The following AIM2 variants were observed in gnomAD, a reference collection of about 807,000 sequenced individuals.
AIM2 encodes interferon-inducible protein AIM2.
AIM2 carries 30 observed loss-of-function variants against 27.7 expected under a neutral mutation model. That is an observed-to-expected ratio of 1.08 (90% CI 0.81 to 1.47). The LOEUF is 1.47. Ranked by LOEUF, AIM2 falls within the 40% of genes most tolerant of loss-of-function variation. The pLI, the probability that AIM2 is intolerant of heterozygous loss-of-function variation, is 0.00. For missense variants in AIM2, 358 were observed against 411.3 expected (o/e 0.87, Z 1.12); for synonymous variants, 141 against 145.3 (o/e 0.97, Z 0.21).
At chr1:159,074,363 A>G (rs1484170264) in intron 1 of AIM2, among the ~76,000 whole-genome samples, 2 of 152,200 alleles carry the variant, frequency 1.3e-5, no homozygotes, top group African/African-American at 4.8e-5. Flanking sequence ...TGTATATGAT[A>G]TAAGTGATGA....
downstream of AIM2, among the ~76,000 whole-genome samples, chr1:159,057,773 G>GA (rs1227412983): frequency 6.6e-6 from 1 of 152,048 alleles, no homozygotes; most frequent in Admixed American, 6.5e-5. Context: ...CTCATTTTTG[G>GA]AAAAAACAAA....
upstream of AIM2, among the ~76,000 whole-genome samples, chr1:159,141,659 G>A (rs1375495693): frequency 6.6e-6 from 1 of 151,976 alleles, no homozygotes; most frequent in African/African-American, 2.4e-5. Context: ...GAAGTCCAGC[G>A]CGCTCGTCCA....
At chr1:159,095,374 T>A (rs1657152609) in intron 1 of AIM2, among the ~76,000 whole-genome samples, 1 of 152,156 alleles carries the variant, frequency 6.6e-6, no homozygotes, top group Middle Eastern at 3.2e-3. Context: ...TCAACTCGAA[T>A]CAATTTGGTA....
At chr1:159,133,866 T>C (rs1647957972) in intron 1 of AIM2, among the ~76,000 whole-genome samples, 1 of 152,202 alleles carries the variant, frequency 6.6e-6, no homozygotes, top group Non-Finnish European at 1.5e-5. Context: ...ATCTTATTCA[T>C]ACTCTTGGCA....
upstream of AIM2, among the ~76,000 whole-genome samples, chr1:159,143,818 A>C (rs1440603459): frequency 6.6e-6 from 1 of 152,176 alleles, no homozygotes; most frequent in African/African-American, 2.4e-5. Context: ...CTGGGAATAC[A>C]ATGATGGAGA....
At chr1:159,143,621 CACACACA>C (rs1648153309), upstream of AIM2, among the ~76,000 whole-genome samples, 1 of 142,442 alleles carries the variant, frequency 7.0e-6, no homozygotes, top group South Asian at 2.6e-4. Flanking sequence ...CACACACACA[CACACACA>C]CACTGCTCTT....
At chr1:159,125,419 T>C (rs1647659071) in intron 1 of AIM2, among the ~76,000 whole-genome samples, 1 of 152,240 alleles carries the variant, frequency 6.6e-6, no homozygotes. Flanking sequence ...TGATTTTCAT[T>C]TTTAAATAAA....
At chr1:159,110,937 A>G (rs941209865) in intron 1 of AIM2, among the ~76,000 whole-genome samples, 6 of 152,126 alleles carry the variant, frequency 3.9e-5, no homozygotes, top group Non-Finnish European at 7.3e-5. Context: ...GCAACATCAC[A>G]TTCCATTTAC....
intron 4 of AIM2, among the ~76,000 whole-genome samples, chr1:159,064,929 A>C (rs1467257540): frequency 6.6e-6 from 1 of 152,240 alleles, no homozygotes; most frequent in Non-Finnish European, 1.5e-5. Context: ...ATCGTATTTT[A>C]GGTTTAATTT....
At chr1:159,105,783 AAGAG>A in intron 1 of AIM2, among the ~76,000 whole-genome samples, 1 of 152,070 alleles carries the variant, frequency 6.6e-6, no homozygotes, top group East Asian at 1.9e-4. Context: ...ATGGGCTCAG[AAGAG>A]AGAAAGTGTG....
rs1655873158 is a variant in AIM2 at position 159,062,552 on chromosome 1, C to G, written c.*140G>C. The G allele has an allele frequency of 1.4e-6, 1 of 708,306 alleles. No individual in the cohort carries two copies. Among genetic ancestry groups the G allele is most frequent in the South Asian group, 1.8e-5 (1 of 56,146 alleles). 43.9% of individuals were successfully genotyped at this position (708,306 alleles called of 1,614,324 possible). The stretch of plus-strand genomic sequence containing the variant: ...TGAATTTGTTTATCCAGCAATTATT[C>G]TATCCTAATTTGGTGGAGAGAGGAG... On this transcript the variant is annotated 3_prime_UTR_variant, in exon 6 of 6. Transcript: ENST00000368130.
chr1:159,097,520 T>C (rs1570962393), intron 1 of AIM2, among the ~76,000 whole-genome samples: 3 of 152,250 alleles, frequency 2.0e-5, no homozygotes, highest in Admixed American at 2.0e-4. Flanking sequence ...AACAGAGAGA[T>C]AGTACAAGAT....
At chr1:159,140,568 C>T (rs1266214521), upstream of AIM2, 6 of 152,210 alleles carry the variant, frequency 3.9e-5, no homozygotes, top group African/African-American at 1.2e-4. Context: ...TGAGTCTCCC[C>T]AGCAGTCCTG....
At chr1:159,065,283 C>T (rs747653998) in intron 4 of AIM2, among the ~76,000 whole-genome samples, 27 of 152,048 alleles carry the variant, frequency 1.8e-4, no homozygotes, top group Non-Finnish European at 3.1e-4. Context: ...GCCTCTGCCC[C>T]GCGGCCCTGT....
intron 1 of AIM2, among the ~76,000 whole-genome samples, chr1:159,104,867 G>A (rs542882168): frequency 2.4e-4 from 37 of 152,240 alleles, no homozygotes; most frequent in African/African-American, 8.7e-4. Flanking sequence ...GGCCTTTTAC[G>A]AAAAATGGGC....
chr1:159,069,603 C>T lies in AIM2; in HGVS notation c.263-902G>A, dbSNP rs369340820. Among the ~76,000 whole-genome samples, 31 of 150,716 alleles carry T rather than the reference C, an allele frequency of 2.1e-4. No homozygotes were observed. In the East Asian group the frequency reaches 5.3e-3, roughly 26 times the overall value. On this transcript the variant is annotated intron_variant, in intron 2 of 5. Coordinates refer to ENST00000368130, the MANE Select transcript of AIM2 (RefSeq NM_004833.3). ...CGTCACCCAAGCTGGAGTGCAGTGG[C>T]GCAATCTTGGCTCACTGCAACCTCT...
chr1:159,131,522 G>A (rs935977540), intron 1 of AIM2, among the ~76,000 whole-genome samples: 1 of 152,166 alleles, frequency 6.6e-6, no homozygotes, highest in East Asian at 1.9e-4. Context: ...CAGTTTAGTA[G>A]CGTGATGCAA....
the AIM2 span, among the ~76,000 whole-genome samples, chr1:159,055,577 C>G: frequency 6.6e-6 from 1 of 152,222 alleles, no homozygotes; most frequent in Non-Finnish European, 1.5e-5. Context: ...TGCATTTCCT[C>G]AAAACACCGA....
chr1:159,140,386 A>G (rs1432661386), intron 1 of AIM2: 1 of 152,106 alleles, frequency 6.6e-6, no homozygotes, highest in African/African-American at 2.4e-5. Context: ...GCAAACATCA[A>G]TCTCCCTCCA....
Sources: gnomAD v4.1 joint callset for allele counts (sites outside exome capture counted in the v4.1 genomes callset) on GRCh38, gnomAD v4.1.1 for gene constraint, MANE v1.5 for transcripts, NCBI Gene and HGNC (gene_info 2026-07-23, HGNC 2026-07-21) for gene names.